Variants in HTRA2 observed in about 807,000 individuals in gnomAD.
HTRA2 encodes the protein HtrA serine peptidase 2, also known as serine protease HTRA2, mitochondrial.
In HTRA2, 24 loss-of-function variants were observed where a neutral mutation model predicts 42.2. That is an observed-to-expected ratio of 0.57 (90% CI 0.41 to 0.80). The LOEUF (loss-of-function observed/expected upper bound fraction) is 0.80, where lower values mean the gene tolerates loss of function less well. HTRA2 is among the 30% of genes least tolerant of loss of function. HTRA2 has a pLI of 0.00. For missense variants in HTRA2, 466 were observed against 613.5 expected (o/e 0.76, Z 2.54); for synonymous variants, 245 against 255.8 (o/e 0.96, Z 0.40).
At position 74,530,607 on chromosome 2, in the gene HTRA2, T is replaced by A. The variant is rs747756166; in HGVS notation, c.507-10T>A. On this transcript the variant is annotated splice_polypyrimidine_tract_variant and intron_variant, in intron 1 of 7. Transcript: ENST00000258080. This position sits in a 1 kb window ranked among gnomAD's most constrained non-coding sequence, Gnocchi z 7.4. Reference sequence around the variant, plus strand: ...AGCCTCCTCTTATCTGTGCTTTCCCTCCATTTCAGGCACCCTTTCTTGGGC... The same window carrying A: ...AGCCTCCTCTTATCTGTGCTTTCCCACCATTTCAGGCACCCTTTCTTGGGC... 22 of 1,613,980 alleles carry A rather than the reference T, an allele frequency of 1.4e-5. No homozygotes were observed. In the Middle Eastern group the frequency reaches 8.2e-4, roughly 61 times the overall value.
Position 74,531,855 on chromosome 2 carries a change from G to A in HTRA2, c.1046-1G>A, listed in dbSNP as rs561190922. The A allele has an allele frequency of 6.2e-7, 1 of 1,613,966 alleles. No homozygotes were observed. Among genetic ancestry groups the A allele is most frequent in the African/African-American group, 1.3e-5 (1 of 75,020 alleles). On this transcript the variant is annotated splice_acceptor_variant, in intron 5 of 7. Coordinates refer to ENST00000258080, the MANE Select transcript of HTRA2 (RefSeq NM_013247.5). LOFTEE classifies it high-confidence loss of function. ...GGGGCTCATTTGTCCCTCTGTCACAGATTCCTCCTCCGGAATCAGTGGGTC... is the reference window on the plus strand; with the variant it reads ...GGGGCTCATTTGTCCCTCTGTCACAAATTCCTCCTCCGGAATCAGTGGGTC...
chr2:74,529,972 G>A lies in HTRA2; in HGVS notation c.-35G>A. ...CTCGCGTCCTGGGTGCCGCCTCTGA[G>A]TAGGGCGGGCGAGGAGGCAGCCAAG... On this transcript the variant is annotated 5_prime_UTR_variant, in exon 1 of 8. Transcript: ENST00000258080. 2.0e-6 allele frequency: 3 copies of A among 1,510,312 alleles called. No individual in the cohort carries two copies. The highest frequency in any genetic ancestry group is 2.7e-6 in the Non-Finnish European group (3 of 1,132,036). 93.6% of individuals were successfully genotyped at this position (1,510,312 alleles called of 1,614,324 possible).
At chr2:74,532,471 A>G in intron 6 of HTRA2, 148 bp from the exon 7 acceptor site, 1 of 702,662 alleles carries the variant, frequency 1.4e-6, no homozygotes, top group Non-Finnish European at 2.6e-6. Flanking sequence ...TTGCTAGAAG[A>G]CAGAAAGTGA....
intron 3 of HTRA2, 31 bp downstream of exon 3, chr2:74,531,136 G>C (rs1199858624): frequency 1.2e-6 from 2 of 1,610,104 alleles, no homozygotes; most frequent in South Asian, 2.2e-5. Context: ...AATGACAAAT[G>C]ATGGGGGAGG....
upstream of HTRA2, chr2:74,529,546 G>C (rs1278537320): frequency 9.7e-6 from 15 of 1,551,052 alleles, no homozygotes; most frequent in Non-Finnish European, 1.0e-5. Flanking sequence ...CCGAGAGCAC[G>C]CGGGGATCGG....
At chr2:74,532,253 C>T (rs983679333) in intron 6 of HTRA2, among the ~76,000 whole-genome samples, 11 of 152,190 alleles carry the variant, frequency 7.2e-5, no homozygotes, top group Non-Finnish European at 1.5e-4. Context: ...ACTCAGCCAA[C>T]CTGATTTCCT....
At position 74,532,867 on chromosome 2, in the gene HTRA2, T is replaced by C. The variant is rs750307151; in HGVS notation, c.1259T>C (p.Met420Thr). The change falls in exon 8 of 8, where the codon ATG (methionine) becomes ACG (threonine). Residue 420 changes from methionine (M) to threonine (T), a missense_variant. By Grantham distance (81) the Met-to-Thr change is moderately conservative. Coordinates refer to ENST00000258080, the MANE Select transcript of HTRA2 (RefSeq NM_013247.5). ...GDVILAIGEQ[M>T]VQNAEDVYEA... ...GTGATTTTGGCCATTGGGGAGCAGA[T>C]GGTACAAAATGCTGAAGATGTTTAT... 6 of 1,614,136 alleles carry C rather than the reference T, an allele frequency of 3.7e-6. No homozygotes were observed. Among genetic ancestry groups the C allele is most frequent in the Admixed American group, 1.7e-5 (1 of 60,016 alleles).
upstream of HTRA2, chr2:74,529,525 G>A (rs1361671442): frequency 6.5e-7 from 1 of 1,548,620 alleles, no homozygotes; most frequent in Non-Finnish European, 8.8e-7. Context: ...GAAGTGGTCA[G>A]GCGCCGAAGG....
In HTRA2 at chr2:74,531,667, GTCT is replaced by G. The variant is rs1675617353; in HGVS notation, c.1013_1015del (p.Leu338del). On this transcript the variant is annotated inframe_deletion, in exon 5 of 8. Coordinates refer to ENST00000258080, the MANE Select transcript of HTRA2 (RefSeq NM_013247.5). ...ATCTCCTTTGCCATCCCTTCTGATCGTCTTCGAGAGTTTCTGCATCGTGGGGAA... is the reference window on the plus strand; with the variant it reads ...ATCTCCTTTGCCATCCCTTCTGATCGTCGAGAGTTTCTGCATCGTGGGGAA... 6.2e-7 allele frequency: 1 copy of G among 1,614,024 alleles called. No individual in the cohort carries two copies. The highest frequency in any genetic ancestry group is 8.5e-7 in the Non-Finnish European group (1 of 1,180,040).
At chr2:74,529,659 G>A, upstream of HTRA2, 32 of 1,544,452 alleles carry the variant, frequency 2.1e-5, no homozygotes, top group Non-Finnish European at 2.8e-5. Context: ...CCCGGCCGTC[G>A]CCGCCGCCGC....
chr2:74,529,652 G>T (rs776716354), upstream of HTRA2: 1 of 1,548,184 alleles, frequency 6.5e-7, no homozygotes. Context: ...AGGAGCGCCC[G>T]GCCGTCGCCG....
chr2:74,529,611 G>T, upstream of HTRA2: 1 of 1,569,488 alleles, frequency 6.4e-7, no homozygotes, highest in Non-Finnish European at 8.6e-7. Flanking sequence ...TCCGGCCCCG[G>T]CCCTGAGGGA....
chr2:74,531,956 G>A, intron 6 of HTRA2, 31 bp downstream of exon 6: 2 of 1,604,290 alleles, frequency 1.2e-6, no homozygotes, highest in South Asian at 1.1e-5. Context: ...GACATGTAAT[G>A]TGACCAGTGT....
chr2:74,530,784 C>T lies in HTRA2; in HGVS notation c.674C>T (p.Pro225Leu). The T allele has an allele frequency of 6.2e-7, 1 of 1,614,194 alleles. No homozygotes were observed. Among genetic ancestry groups the T allele is most frequent in the Non-Finnish European group, 8.5e-7 (1 of 1,180,034 alleles). ...GAGGCCGTGGTCACAGCTGTGGATC[C>T]CGTGGCAGACATCGCAACGCTGAGG... ...TYEAVVTAVD[P>L]VADIATLRIQ... Residue 225 changes from proline to leucine, a missense_variant, in exon 2 of 8, where the codon CCC becomes CTC. By Grantham distance (98) the Pro-to-Leu change is moderately conservative. Coordinates refer to ENST00000258080, the MANE Select transcript of HTRA2 (RefSeq NM_013247.5). This position sits in a 1 kb window ranked among gnomAD's most constrained non-coding sequence, Gnocchi z 7.4.
Position 74,530,358 on chromosome 2 carries a change from C to CTGT in HTRA2, c.362_364dup (p.Leu121dup). 6.3e-7 allele frequency: 1 copy of CTGT among 1,595,182 alleles called. No individual in the cohort carries two copies. The highest frequency in any genetic ancestry group is 8.5e-7 in the Non-Finnish European group (1 of 1,170,972). ...GGCGCTGGGCGCTGGGGGGGCAGTG[C>CTGT]TGTTGTTGTTGTGGGGCGGGGGTCG... On this transcript the variant is annotated inframe_insertion, in exon 1 of 8. Transcript: ENST00000258080. This position sits in a 1 kb window ranked among gnomAD's most constrained non-coding sequence, Gnocchi z 7.4.
rs1473699488 is a variant in HTRA2 at position 74,530,278 on chromosome 2, G to A, written c.272G>A (p.Arg91Lys). The A allele has an allele frequency of 1.9e-6, 3 of 1,605,564 alleles. No homozygotes were observed. The highest frequency in any genetic ancestry group is 4.5e-5 in the East Asian group (2 of 44,386). Residue 91 changes from arginine to lysine, a missense_variant, in exon 1 of 8, where the codon AGG becomes AAG. Physicochemically the swap from Arg to Lys is conservative, Grantham distance 26 (BLOSUM62 2). This residue lies in a region of HTRA2 where 222 missense variants were observed against 205.1 expected (regional missense o/e 1.08). Coordinates refer to ENST00000258080, the MANE Select transcript of HTRA2 (RefSeq NM_013247.5). This position sits in a 1 kb window ranked among gnomAD's most constrained non-coding sequence, Gnocchi z 7.4. The part of the protein sequence containing the change: ...AQLTAVTPDT[R>K]TREASENSGT... ...CTGACTGCGGTGACCCCAGATACCAGGACCCGGGAGGCCTCAGAGAACTCT... is the reference window on the plus strand; with the variant it reads ...CTGACTGCGGTGACCCCAGATACCAAGACCCGGGAGGCCTCAGAGAACTCT...
At chr2:74,531,787 T>C (rs1446461527) in intron 5 of HTRA2, 69 bp from the exon 6 acceptor site, 12 of 1,611,338 alleles carry the variant, frequency 7.4e-6, no homozygotes, top group Non-Finnish European at 1.0e-5. Flanking sequence ...TGGAGGGTGG[T>C]CTACTGGGAG....
At chr2:74,532,419 C>T (rs1675677087) in intron 6 of HTRA2, 200 bp from the exon 7 acceptor site, 2 of 614,414 alleles carry the variant, frequency 3.3e-6, no homozygotes, top group Non-Finnish European at 6.0e-6. Flanking sequence ...TCATTTGGTG[C>T]CCTCATGTGG....
chr2:74,529,757 C>G (rs911047013), upstream of HTRA2: 5 of 1,492,346 alleles, frequency 3.4e-6, no homozygotes, highest in East Asian at 9.9e-5. Context: ...TCCTGAGGCG[C>G]GCCGGAAGGG....
Sources: allele counts gnomAD v4.1 joint callset (sites outside exome capture counted in the v4.1 genomes callset), GRCh38; gene constraint gnomAD v4.1.1; regional missense constraint gnomAD v4.1.1; non-coding constraint Gnocchi (gnomAD v3.1); transcripts MANE v1.5; gene names NCBI Gene and HGNC (gene_info 2026-07-23, HGNC 2026-07-21).